The following CBL variants were observed in gnomAD, a reference collection of about 807,000 sequenced individuals.
CBL encodes the protein E3 ubiquitin-protein ligase CBL.
In CBL, 45 loss-of-function variants were observed where a neutral mutation model predicts 96.9. The observed-to-expected ratio is 0.46, with a 90% CI of 0.37 to 0.60. The LOEUF (loss-of-function observed/expected upper bound fraction) is 0.60, where lower values mean the gene tolerates loss of function less well. CBL is among the 20% of genes least tolerant of loss of function. The pLI, the probability that CBL is intolerant of heterozygous loss-of-function variation, is 0.00. For missense variants in CBL, 1,024 were observed against 1,143.5 expected (o/e 0.90, Z 1.51); for synonymous variants, 420 against 426.8 (o/e 0.98, Z 0.20).
Position 119,273,976 on chromosome 11 carries a change from T to C in CBL, c.699T>C (p.Asn233=). The change falls in exon 4 of 16, where the codon AAT becomes AAC. Residue 233 remains asparagine (N), a synonymous_variant. Transcript: ENST00000264033. The part of the protein sequence containing the change: ...ALKSTIDLTC[N]DYISVFEFDI... ...AATCCACTATTGATCTGACCTGCAATGATTATATTTCGGTTTTTGAATTTG... is the reference window on the plus strand; with the variant it reads ...AATCCACTATTGATCTGACCTGCAACGATTATATTTCGGTTTTTGAATTTG... The C allele has an allele frequency of 6.2e-7, 1 of 1,614,082 alleles. No individual in the cohort carries two copies.
At chr11:119,267,074 A>C (rs988565347) in intron 2 of CBL, among the ~76,000 whole-genome samples, 1 of 152,154 alleles carries the variant, frequency 6.6e-6, no homozygotes, top group Non-Finnish European at 1.5e-5. Flanking sequence ...TGCCCCATAT[A>C]CTGTAGACAC....
Position 119,275,890 on chromosome 11 carries a change from T to G in CBL, c.870-107T>G. 2.7e-6 allele frequency: 3 copies of G among 1,091,696 alleles called. No individual in the cohort carries two copies. In the South Asian group the frequency reaches 3.7e-5, roughly 14 times the overall value. The allele number at this position is 1,091,696 out of a possible 1,614,324, so 67.6% of individuals were successfully genotyped here. A position where few individuals can be genotyped will look rare whatever the true frequency, so the allele number is the denominator to read the frequency against. On this transcript the variant is annotated intron_variant, in intron 5 of 15. Transcript: ENST00000264033. ...AAAAGAAAGAAAGAAAGGAAGAAAG[T>G]TATTGTTATTCTTGATGGTTCTTTT...
intron 1 of CBL, among the ~76,000 whole-genome samples, chr11:119,209,327 A>G (rs2155380): frequency 0.28 from 42,123 of 152,132 alleles, 6,279 homozygotes; most frequent in South Asian, 0.59. Context: ...CTTTTTAACA[A>G]AATTTCTGGG....
Position 119,301,338 on chromosome 11 carries a change from A to G in CBL, c.*1557A>G, listed in dbSNP as rs1950099977. 4.3e-6 allele frequency: 1 copy of G among 233,118 alleles called. No individual in the cohort carries two copies. The highest frequency in any genetic ancestry group is 8.5e-6 in the Non-Finnish European group (1 of 118,036). 14.4% of individuals were successfully genotyped at this position (233,118 alleles called of 1,614,324 possible). A position where few individuals can be genotyped will look rare whatever the true frequency, so the allele number is the denominator to read the frequency against. Reference sequence around the variant, plus strand: ...GGGAGAACTATTAGTCAGTTCTTTTATATGCTGATAAATGATCCCTCGAGT... The same window carrying G: ...GGGAGAACTATTAGTCAGTTCTTTTGTATGCTGATAAATGATCCCTCGAGT... On this transcript the variant is annotated 3_prime_UTR_variant, in exon 16 of 16. Transcript: ENST00000264033.
intron 1 of CBL, among the ~76,000 whole-genome samples, chr11:119,208,475 C>G (rs778120472): frequency 6.6e-6 from 1 of 151,870 alleles, no homozygotes; most frequent in Non-Finnish European, 1.5e-5. Context: ...CTGCAACCTC[C>G]GCCTCCTGGG....
At chr11:119,241,038 T>A (rs1949583495) in intron 2 of CBL, among the ~76,000 whole-genome samples, 1 of 152,128 alleles carries the variant, frequency 6.6e-6, no homozygotes, top group East Asian at 1.9e-4. Flanking sequence ...GCCACTGCAC[T>A]CTAGCCTGGG....
rs1440147763 is a variant in CBL, at chr11:119,300,179, C to G, written c.*398C>G. On this transcript the variant is annotated 3_prime_UTR_variant, in exon 16 of 16. Coordinates refer to ENST00000264033, the MANE Select transcript of CBL (RefSeq NM_005188.4). ...GTGTCTGCCTGTGGTTGTATGTGTC[C>G]TTGTGATTATAAGATTAACCTGCTG... 1 of 495,292 alleles carries G rather than the reference C, an allele frequency of 2.0e-6. No homozygotes were observed. The highest frequency in any genetic ancestry group is 3.5e-6 in the Non-Finnish European group (1 of 282,234). 30.7% of individuals were successfully genotyped at this position (495,292 alleles called of 1,614,324 possible). A position where few individuals can be genotyped will look rare whatever the true frequency, so the allele number is the denominator to read the frequency against.
intron 2 of CBL, among the ~76,000 whole-genome samples, chr11:119,235,552 C>T (rs1038513341): frequency 1.4e-4 from 21 of 152,004 alleles, no homozygotes; most frequent in African/African-American, 4.6e-4. Context: ...GAGGGGTTGG[C>T]TGCTGTCTTG....
chr11:119,206,448 G>A lies in CBL; in HGVS notation c.31G>A (p.Ala11Thr). The change falls in exon 1 of 16, where the codon GCC becomes ACC. Residue 11 changes from alanine (A) to threonine (T), a missense_variant. Transcript: ENST00000264033. The stretch of plus-strand genomic sequence containing the variant: ...CGGCAACGTGAAGAAGAGCTCTGGG[G>A]CCGGGGGCGGCAGCGGCTCCGGGGG... MAGNVKKSSG[A>T]GGGSGSGGSG... The A allele has an allele frequency of 6.3e-7, 1 of 1,580,056 alleles. No individual in the cohort carries two copies. The highest frequency in any genetic ancestry group is 8.6e-7 in the Non-Finnish European group (1 of 1,167,690).
At chr11:119,229,609 AAACAAC>A (rs916342630) in intron 1 of CBL, among the ~76,000 whole-genome samples, 1 of 152,148 alleles carries the variant, frequency 6.6e-6, no homozygotes, top group African/African-American at 2.4e-5. Context: ...TTTTTCTCAA[AAACAAC>A]AACAACAACA....
chr11:119,261,253 C>T (rs1395882022), intron 2 of CBL, among the ~76,000 whole-genome samples: 1 of 152,070 alleles, frequency 6.6e-6, no homozygotes, highest in African/African-American at 2.4e-5. Flanking sequence ...GAAGATTTCT[C>T]TAGTTTTTGT....
intron 1 of CBL, among the ~76,000 whole-genome samples, chr11:119,212,557 C>T (rs1323483771): frequency 2.0e-5 from 3 of 151,942 alleles, no homozygotes; most frequent in Non-Finnish European, 4.4e-5. Context: ...ACCCGGGAAG[C>T]GGAGGCTGCG....
At chr11:119,251,623 G>T (rs961637589) in intron 2 of CBL, among the ~76,000 whole-genome samples, 2 of 152,154 alleles carry the variant, frequency 1.3e-5, no homozygotes, top group African/African-American at 4.8e-5. Context: ...TTTACAGCAG[G>T]ATTATATGTT....
chr11:119,239,406 T>G (rs974604661), intron 2 of CBL, among the ~76,000 whole-genome samples: 4 of 152,222 alleles, frequency 2.6e-5, no homozygotes, highest in Non-Finnish European at 5.9e-5. Context: ...AATTTTAGGT[T>G]CATATATAGA....
intron 9 of CBL, among the ~76,000 whole-genome samples, chr11:119,282,800 C>T (rs73003093): frequency 0.013 from 1,909 of 152,200 alleles, 21 homozygotes; most frequent in Non-Finnish European, 0.015. Flanking sequence ...TAATAAATCA[C>T]GGCCACCCGC....
intron 13 of CBL, among the ~76,000 whole-genome samples, 157 bp from the exon 14 acceptor site, chr11:119,297,227 A>G (rs1332473075): frequency 6.6e-6 from 1 of 152,236 alleles, no homozygotes; most frequent in Non-Finnish European, 1.5e-5. Context: ...TCTCAGCAAC[A>G]TGAGAACCTC....
chr11:119,269,395 A>ATT (rs1224439261), intron 2 of CBL, among the ~76,000 whole-genome samples: 2 of 151,700 alleles, frequency 1.3e-5, no homozygotes, highest in Non-Finnish European at 2.9e-5. Flanking sequence ...TAATTTTTGT[A>ATT]TTTTTAGTAG....
chr11:119,302,552 A>G lies in CBL; in HGVS notation c.*2771A>G, dbSNP rs1057414319. ...CTAATAAAGTAAAAAAACCCACACTACTTTGTTCTCTTTTTCTCATATTCA... is the reference window on the plus strand; with the variant it reads ...CTAATAAAGTAAAAAAACCCACACTGCTTTGTTCTCTTTTTCTCATATTCA... On this transcript the variant is annotated 3_prime_UTR_variant, in exon 16 of 16. Coordinates refer to ENST00000264033, the MANE Select transcript of CBL (RefSeq NM_005188.4). The G allele has an allele frequency of 2.6e-5, 6 of 231,880 alleles. No homozygotes were observed. The highest frequency in any genetic ancestry group is 5.6e-5 in the Admixed American group (1 of 17,718). 14.4% of individuals were successfully genotyped at this position (231,880 alleles called of 1,614,324 possible).
intron 2 of CBL, among the ~76,000 whole-genome samples, chr11:119,233,825 A>C (rs1346694197): frequency 6.6e-6 from 1 of 152,144 alleles, no homozygotes; most frequent in Non-Finnish European, 1.5e-5. Flanking sequence ...TAACATACTA[A>C]ATGGTGTCCT....
Sources: allele counts gnomAD v4.1 joint callset (sites outside exome capture counted in the v4.1 genomes callset), GRCh38; gene constraint gnomAD v4.1.1; transcripts MANE v1.5; gene names NCBI Gene and HGNC (gene_info 2026-07-23, HGNC 2026-07-21).